Variants in PRKCA observed in about 807,000 individuals in gnomAD.
PRKCA encodes the protein protein kinase C alpha type.
Under a neutral mutation model 87.0 loss-of-function variants are expected in PRKCA, and 27 were observed. The observed-to-expected ratio is 0.31, with a 90% CI of 0.23 to 0.43. The LOEUF is 0.43. Among genes scored for constraint, PRKCA ranks in the 20% least tolerant of loss-of-function variants. The probability of loss-of-function intolerance (pLI) is 1.00; values close to 1 mark genes in which losing one functional copy is unlikely to be tolerated. For synonymous variants in PRKCA, 329 were observed against 311.1 expected, an observed-to-expected ratio of 1.06 and a Z score of -0.61; for missense variants, 518 against 852.3, an observed-to-expected ratio of 0.61 and a Z score of 4.88.
At chr17:66,403,552 G>A (rs964566488) in intron 2 of PRKCA, 1 of 152,220 alleles carries the variant, frequency 6.6e-6, no homozygotes, top group African/African-American at 2.4e-5. Context: ...ATCACTGGGA[G>A]TAGTGTTTTA....
At chr17:66,637,052 G>C (rs951365659) in intron 3 of PRKCA, among the ~76,000 whole-genome samples, 1 of 152,206 alleles carries the variant, frequency 6.6e-6, no homozygotes, top group Non-Finnish European at 1.5e-5. Flanking sequence ...TGGTTCTCCA[G>C]ACTTAGGCAG....
chr17:66,720,178 G>A (rs1319937374), intron 8 of PRKCA, among the ~76,000 whole-genome samples: 1 of 152,264 alleles, frequency 6.6e-6, no homozygotes. Context: ...GTCAGAAGGA[G>A]TAGGGAGCCT....
intron 8 of PRKCA, among the ~76,000 whole-genome samples, chr17:66,690,907 GC>G (rs2144046542): frequency 6.6e-6 from 1 of 151,524 alleles, no homozygotes; most frequent in East Asian, 2.0e-4. Flanking sequence ...ACTTTAAGAG[GC>G]CAAGGCAGGC....
intron 2 of PRKCA, among the ~76,000 whole-genome samples, chr17:66,356,301 T>C (rs1908045507): frequency 6.6e-6 from 1 of 151,626 alleles, no homozygotes; most frequent in Non-Finnish European, 1.5e-5. Context: ...ATTTTCTTTA[T>C]CATCCACTTT....
At chr17:66,665,545 A>G (rs1972020947) in intron 5 of PRKCA, among the ~76,000 whole-genome samples, 1 of 152,130 alleles carries the variant, frequency 6.6e-6, no homozygotes, top group Non-Finnish European at 1.5e-5. Context: ...TCACCTGAGT[A>G]GACCTGCTAA....
At chr17:66,518,258 G>T (rs1357926097) in intron 3 of PRKCA, among the ~76,000 whole-genome samples, 1 of 152,146 alleles carries the variant, frequency 6.6e-6, no homozygotes, top group African/African-American at 2.4e-5. Context: ...TTGATGATGA[G>T]CACAGTAGAA....
chr17:66,415,262 G>A (rs1029773636), intron 2 of PRKCA: 4 of 152,028 alleles, frequency 2.6e-5, no homozygotes, highest in Non-Finnish European at 5.9e-5. Flanking sequence ...ATTTTGATAC[G>A]ATGTCCATTT....
In PRKCA at chr17:66,587,451, A is replaced by G. The variant is rs940719659; in HGVS notation, c.289-53904A>G. On this transcript the variant is annotated intron_variant, in intron 3 of 16. Transcript: ENST00000413366. ...CCTGATAGATTTGAGATTTATCCAT[A>G]TTGATTTATGTAGATCTAGTTCATT... is the stretch of plus-strand genomic sequence containing the variant. Among the ~76,000 whole-genome samples, 4 of 152,208 alleles carry G rather than the reference A, an allele frequency of 2.6e-5. No individual in the cohort carries two copies. In the South Asian group the frequency reaches 8.3e-4, roughly 32 times the overall value.
intron 3 of PRKCA, among the ~76,000 whole-genome samples, chr17:66,596,582 T>C (rs1052342886): frequency 6.7e-6 from 1 of 149,376 alleles, no homozygotes; most frequent in Non-Finnish European, 1.5e-5. Context: ...TTTTTTTTTT[T>C]TTTTTTTTTT....
At chr17:66,316,496 T>C (rs1020369686) in intron 2 of PRKCA, among the ~76,000 whole-genome samples, 1 of 152,218 alleles carries the variant, frequency 6.6e-6, no homozygotes, top group Non-Finnish European at 1.5e-5. Flanking sequence ...TTGAAAACTT[T>C]CTTAAAAAAT....
At chr17:66,483,174 G>T (rs1006777069) in intron 2 of PRKCA, among the ~76,000 whole-genome samples, 29 of 152,166 alleles carry the variant, frequency 1.9e-4, no homozygotes, top group African/African-American at 6.8e-4. Flanking sequence ...GCATGTATTA[G>T]TTTGTTAGGG....
intron 13 of PRKCA, among the ~76,000 whole-genome samples, chr17:66,749,302 C>T (rs897091653): frequency 5.9e-5 from 9 of 151,644 alleles, no homozygotes; most frequent in African/African-American, 1.7e-4. Flanking sequence ...TCCACCCCTC[C>T]GGAGCTCTCT....
At chr17:66,533,880 A>G (rs1198283268) in intron 3 of PRKCA, among the ~76,000 whole-genome samples, 1 of 152,144 alleles carries the variant, frequency 6.6e-6, no homozygotes, top group Non-Finnish European at 1.5e-5. Flanking sequence ...CATTTAAACA[A>G]GTTGTCTGGA....
At chr17:66,740,843 C>T (rs1389774100) in intron 11 of PRKCA, among the ~76,000 whole-genome samples, 1 of 152,186 alleles carries the variant, frequency 6.6e-6, no homozygotes, top group Non-Finnish European at 1.5e-5. Context: ...ATGTAAAGAT[C>T]ACCTGTAGTA....
At chr17:66,548,669 A>G (rs568978368) in intron 3 of PRKCA, among the ~76,000 whole-genome samples, 15 of 152,222 alleles carry the variant, frequency 9.9e-5, no homozygotes, top group African/African-American at 2.9e-4. Flanking sequence ...ATCCTGGACT[A>G]TCTGCATGGG....
chr17:66,621,157 C>T (rs912453906), intron 3 of PRKCA, among the ~76,000 whole-genome samples: 1 of 152,122 alleles, frequency 6.6e-6, no homozygotes, highest in African/African-American at 2.4e-5. Flanking sequence ...TCTCAAGATT[C>T]TGGATTAAAT....
intron 13 of PRKCA, among the ~76,000 whole-genome samples, chr17:66,758,783 C>T (rs1974614276): frequency 6.6e-6 from 1 of 152,116 alleles, no homozygotes; most frequent in Non-Finnish European, 1.5e-5. Context: ...TTCCTTATTC[C>T]CTTCCATGCC....
chr17:66,759,264 G>T lies in PRKCA; in HGVS notation c.1525-14723G>T, dbSNP rs909178543. 1.4e-4 allele frequency among the ~76,000 whole-genome samples: 22 copies of T among 151,916 alleles called. 1 individual carries two copies. The highest frequency in any genetic ancestry group is 5.3e-4 in the African/African-American group (22 of 41,326). ...CCAGGTACTCGGGAGGCTGAGGCAG[G>T]AGAATGGCGTGAACCCGGGAGGCAG... On this transcript the variant is annotated intron_variant, in intron 13 of 16. Coordinates refer to ENST00000413366, the MANE Select transcript of PRKCA (RefSeq NM_002737.3).
chr17:66,524,481 T>C (rs191901203), intron 3 of PRKCA, among the ~76,000 whole-genome samples: 39 of 152,354 alleles, frequency 2.6e-4, no homozygotes, highest in Admixed American at 2.4e-3. Flanking sequence ...CCCTGACTTA[T>C]AAACAGTTGA....
Sources: gnomAD v4.1 joint callset for allele counts (sites outside exome capture counted in the v4.1 genomes callset) on GRCh38, gnomAD v4.1.1 for gene constraint, MANE v1.5 for transcripts, NCBI Gene and HGNC (gene_info 2026-07-23, HGNC 2026-07-21) for gene names.